ERC2: variants seen among roughly 807,000 people sequenced by gnomAD.
ERC2 encodes ELKS/RAB6-interacting/CAST family member 2, also known as ERC protein 2.
Under a neutral mutation model 114.8 loss-of-function variants are expected in ERC2, and 42 were observed. The ratio of observed to expected loss-of-function variants is 0.37; its 90% CI spans 0.29 to 0.47. ERC2 has a LOEUF of 0.47. ERC2 is among the 20% of genes least tolerant of loss of function. The pLI is 0.99. For synonymous variants in ERC2, 454 were observed against 425.5 expected (o/e 1.07, Z -0.82); for missense variants, 939 against 1,150.7 (o/e 0.82, Z 2.66).
At chr3:56,214,623 C>A (rs958813953) in intron 3 of ERC2, among the ~76,000 whole-genome samples, 3 of 151,816 alleles carry the variant, frequency 2.0e-5, no homozygotes, top group African/African-American at 7.3e-5. Flanking sequence ...CCAACATTCA[C>A]ATTCAGGAAT....
intron 17 of ERC2, among the ~76,000 whole-genome samples, chr3:55,660,735 T>C (rs2061093061): frequency 6.6e-6 from 1 of 152,180 alleles, no homozygotes; most frequent in African/African-American, 2.4e-5. Context: ...CAGACTTGGG[T>C]ATGATGTCCC....
intron 14 of ERC2, among the ~76,000 whole-genome samples, chr3:55,826,081 C>T (rs111769475): frequency 8.9e-4 from 135 of 152,086 alleles, no homozygotes; most frequent in African/African-American, 3.1e-3. Context: ...CTACAAAAAC[C>T]GCAGAGCTTC....
chr3:55,849,631 C>T (rs918591978), intron 14 of ERC2, among the ~76,000 whole-genome samples: 1 of 152,166 alleles, frequency 6.6e-6, no homozygotes, highest in African/African-American at 2.4e-5. Context: ...TCAACAAATG[C>T]CCATGCCCCT....
At chr3:55,877,721 C>T (rs2062928842) in intron 14 of ERC2, among the ~76,000 whole-genome samples, 1 of 151,966 alleles carries the variant, frequency 6.6e-6, no homozygotes, top group African/African-American at 2.4e-5. Flanking sequence ...CCATATTGCC[C>T]ATGCTGGTCT....
chr3:55,643,596 C>CT (rs1205031841), intron 17 of ERC2, among the ~76,000 whole-genome samples: 2 of 152,158 alleles, frequency 1.3e-5, no homozygotes, highest in Non-Finnish European at 2.9e-5. Context: ...ATGATAATTC[C>CT]TACCTCATAG....
intron 17 of ERC2, among the ~76,000 whole-genome samples, chr3:55,521,490 A>AAG (rs888837623): frequency 4.3e-4 from 66 of 152,242 alleles, no homozygotes; most frequent in African/African-American, 1.6e-3. Flanking sequence ...CTTGGAGAAG[A>AAG]AGAGAGAGAG....
chr3:56,322,324 T>C (rs749402257), intron 2 of ERC2, among the ~76,000 whole-genome samples: 2 of 152,188 alleles, frequency 1.3e-5, no homozygotes, highest in African/African-American at 2.4e-5. Flanking sequence ...TTTCCTCCCA[T>C]CCTATCCAGA....
At chr3:56,243,991 C>G (rs2051502376) in intron 3 of ERC2, among the ~76,000 whole-genome samples, 1 of 152,118 alleles carries the variant, frequency 6.6e-6, no homozygotes. Context: ...TGTGAAACGC[C>G]TGGGATGCCT....
At chr3:56,173,188 CATGCTTT>C (rs1402508144) in intron 4 of ERC2, among the ~76,000 whole-genome samples, 2 of 152,154 alleles carry the variant, frequency 1.3e-5, no homozygotes, top group East Asian at 3.9e-4. Context: ...TAGGATTAGA[CATGCTTT>C]GAAAAGGAAC....
chr3:56,041,548 T>C (rs1371669876), intron 7 of ERC2, among the ~76,000 whole-genome samples: 1 of 152,184 alleles, frequency 6.6e-6, no homozygotes, highest in Non-Finnish European at 1.5e-5. Context: ...TCCACTCCTT[T>C]GGCCAGAGAA....
chr3:55,811,581 T>C (rs2059722515), intron 14 of ERC2, among the ~76,000 whole-genome samples: 1 of 152,182 alleles, frequency 6.6e-6, no homozygotes, highest in Non-Finnish European at 1.5e-5. Flanking sequence ...AAAACTGAGC[T>C]CAATTTCTTG....
intron 17 of ERC2, among the ~76,000 whole-genome samples, chr3:55,577,177 G>A (rs1026645704): frequency 3.9e-5 from 6 of 151,918 alleles, no homozygotes; most frequent in African/African-American, 4.8e-5. Flanking sequence ...ATTTCCTGAA[G>A]TTCATGAACT....
chr3:55,884,523 G>C (rs879629150), intron 14 of ERC2, among the ~76,000 whole-genome samples: 1 of 151,918 alleles, frequency 6.6e-6, no homozygotes, highest in Non-Finnish European at 1.5e-5. Flanking sequence ...TCTTTGGATG[G>C]GGTTCAGGTA....
intron 17 of ERC2, among the ~76,000 whole-genome samples, chr3:55,592,874 A>C (rs1425468610): frequency 6.6e-6 from 1 of 152,202 alleles, no homozygotes; most frequent in Non-Finnish European, 1.5e-5. Flanking sequence ...TTAGAGAGTC[A>C]TTTGCTTAAC....
intron 14 of ERC2, among the ~76,000 whole-genome samples, chr3:55,822,007 C>T (rs2060144087): frequency 6.6e-6 from 1 of 152,180 alleles, no homozygotes; most frequent in South Asian, 2.1e-4. Flanking sequence ...TTTGATGTTT[C>T]CTAAGACTTC....
At position 55,800,589 on chromosome 3, in the gene ERC2, G is replaced by A. The variant is rs370341237; in HGVS notation, c.2565-65671C>T. On this transcript the variant is annotated intron_variant, in intron 14 of 17. Transcript: ENST00000288221. ...TATCTCACAATGACACAAGACCTAA[G>A]GTGACTCCACACCTCCCTCGTGTTG... 5.9e-5 allele frequency among the ~76,000 whole-genome samples: 9 copies of A among 152,138 alleles called. No individual in the cohort carries two copies. In the South Asian group the frequency reaches 1.9e-3, roughly 32 times the overall value.
At chr3:56,466,049 G>C (rs973717029) in intron 1 of ERC2, among the ~76,000 whole-genome samples, 16 of 152,222 alleles carry the variant, frequency 1.1e-4, no homozygotes, top group African/African-American at 3.9e-4. Context: ...ATTCCTTCTA[G>C]TTACTCATCT....
intron 4 of ERC2, among the ~76,000 whole-genome samples, chr3:56,166,739 C>T (rs145707526): frequency 7.8e-4 from 119 of 151,956 alleles, no homozygotes; most frequent in African/African-American, 2.7e-3. Context: ...TATAGTGATG[C>T]CCCACTTTCA....
intron 12 of ERC2, among the ~76,000 whole-genome samples, chr3:55,955,615 C>G (rs1479181156): frequency 6.6e-6 from 1 of 152,100 alleles, no homozygotes; most frequent in Non-Finnish European, 1.5e-5. Context: ...TATGAATACA[C>G]TATAATTTGA....
Sources: allele counts gnomAD v4.1 joint callset (sites outside exome capture counted in the v4.1 genomes callset), GRCh38; gene constraint gnomAD v4.1.1; transcripts MANE v1.5; gene names NCBI Gene and HGNC (gene_info 2026-07-23, HGNC 2026-07-21).